VDAC2: variants seen among roughly 807,000 people sequenced by gnomAD.
VDAC2 encodes non-selective voltage-gated ion channel VDAC2.
A neutral mutation model predicts 36.6 loss-of-function variants in VDAC2; 6 were observed. The observed-to-expected ratio is 0.16, with a 90% CI of 0.09 to 0.32. The LOEUF (loss-of-function observed/expected upper bound fraction) is 0.32. Among genes scored for constraint, VDAC2 ranks in the 10% least tolerant of loss-of-function variants. The pLI is 1.00. For synonymous variants in VDAC2, 109 were observed against 123.8 expected (o/e 0.88, Z 0.79); for missense variants, 247 against 346.0 (o/e 0.71, Z 2.27).
chr10:75,212,849 T>C (rs1487030037), intron 3 of VDAC2, among the ~76,000 whole-genome samples: 1 of 152,202 alleles, frequency 6.6e-6, no homozygotes, highest in Non-Finnish European at 1.5e-5. Flanking sequence ...CGGCTCGTGC[T>C]TTAATTTTTT....
At chr10:75,214,548 G>A (rs187783251) in intron 4 of VDAC2, among the ~76,000 whole-genome samples, 42 of 151,360 alleles carry the variant, frequency 2.8e-4, no homozygotes, top group African/African-American at 9.0e-4. Context: ...TTTTTGAGAC[G>A]GAGTCTCACT....
intron 4 of VDAC2, among the ~76,000 whole-genome samples, chr10:75,215,744 C>T (rs1468134846): frequency 1.3e-5 from 2 of 148,618 alleles, no homozygotes; most frequent in Non-Finnish European, 3.0e-5. Context: ...TCCTCTGAGA[C>T]GCAGTCTTGC....
At chr10:75,211,343 G>C in intron 2 of VDAC2, 154 bp downstream of exon 2, 3 of 1,392,948 alleles carry the variant, frequency 2.2e-6, no homozygotes, top group Non-Finnish European at 1.9e-6. Context: ...CTCTGCGGAG[G>C]AGGGGCTGGG....
intron 4 of VDAC2, among the ~76,000 whole-genome samples, chr10:75,215,396 G>T (rs1324605686): frequency 2.6e-5 from 4 of 151,050 alleles, no homozygotes; most frequent in Non-Finnish European, 5.9e-5. Context: ...CTGTCACCCA[G>T]GCTGGAGTGC....
intron 4 of VDAC2, among the ~76,000 whole-genome samples, chr10:75,214,325 G>A (rs1841531049): frequency 6.6e-6 from 1 of 152,230 alleles, no homozygotes; most frequent in Admixed American, 6.5e-5. Context: ...TTACTCGTAA[G>A]ATTACACATT....
intron 6 of VDAC2, 25 bp from the exon 7 acceptor site, chr10:75,220,718 T>C: frequency 6.3e-7 from 1 of 1,589,884 alleles, no homozygotes. Context: ...TTTTTCCCAA[T>C]GACATCAGTT....
chr10:75,229,599 C>T (rs1272440329), intron 8 of VDAC2, 45 bp from the exon 9 acceptor site: 7 of 1,466,478 alleles, frequency 4.8e-6, no homozygotes, highest in Non-Finnish European at 6.6e-6. Flanking sequence ...GGCTTTGTCT[C>T]TATTGAAATA....
chr10:75,218,777 G>A (rs555759644), intron 4 of VDAC2, among the ~76,000 whole-genome samples: 36 of 151,860 alleles, frequency 2.4e-4, no homozygotes, highest in South Asian at 2.1e-3. Flanking sequence ...AAAAAAAGGT[G>A]TACAGTTTGT....
intron 3 of VDAC2, 78 bp downstream of exon 3, chr10:75,212,376 T>C: frequency 1.6e-6 from 2 of 1,239,314 alleles, no homozygotes; most frequent in Non-Finnish European, 2.3e-6. Context: ...ATCAGATCAA[T>C]CATTGCAAAT....
intron 4 of VDAC2, among the ~76,000 whole-genome samples, chr10:75,218,758 C>T (rs1159258315): frequency 3.4e-5 from 5 of 148,392 alleles, no homozygotes; most frequent in Non-Finnish European, 7.4e-5. Context: ...GGGACTCTGT[C>T]TCAAAAAAAA....
intron 4 of VDAC2, among the ~76,000 whole-genome samples, chr10:75,215,203 C>T (rs1331116681): frequency 3.9e-5 from 6 of 152,156 alleles, no homozygotes; most frequent in South Asian, 4.1e-4. Context: ...TGTGAGCCAC[C>T]ATGCCCAGCT....
intron 3 of VDAC2, 39 bp from the exon 4 acceptor site, chr10:75,213,982 A>G (rs1564709466): frequency 6.2e-7 from 1 of 1,607,150 alleles, no homozygotes. Context: ...TTTCATACAA[A>G]GGAATCATTT....
At chr10:75,216,365 AT>A (rs1841605281) in intron 4 of VDAC2, among the ~76,000 whole-genome samples, 1 of 152,166 alleles carries the variant, frequency 6.6e-6, no homozygotes. Flanking sequence ...AAAGGAATAG[AT>A]TGTTGTGTAT....
At chr10:75,214,131 G>C in intron 4 of VDAC2, 61 bp downstream of exon 4, 1 of 1,539,244 alleles carries the variant, frequency 6.5e-7, no homozygotes. Context: ...TTGTAAAATG[G>C]TCATAACTGA....
rs1842087433 is a variant in VDAC2, at chr10:75,231,081, G to T, written c.*92G>T. Reference sequence around the variant, plus strand: ...CCAGCAGCAGGCTTTTTTCCCCCAAGAAGATGATCAAAACAAAGGATGATC... The same window carrying T: ...CCAGCAGCAGGCTTTTTTCCCCCAATAAGATGATCAAAACAAAGGATGATC... On this transcript the variant is annotated 3_prime_UTR_variant, in exon 10 of 10. Coordinates refer to ENST00000332211, the MANE Select transcript of VDAC2 (RefSeq NM_001391963.1). 6 of 885,652 alleles carry T rather than the reference G, an allele frequency of 6.8e-6. No homozygotes were observed. The Admixed American group carries it at 1.3e-4, about 19-fold the overall frequency. The allele number at this position is 885,652 out of a possible 1,614,324, so 54.9% of individuals were successfully genotyped here.
At chr10:75,216,337 TAATC>T in intron 4 of VDAC2, among the ~76,000 whole-genome samples, 1 of 152,354 alleles carries the variant, frequency 6.6e-6, no homozygotes, top group Non-Finnish European at 1.5e-5. Flanking sequence ...GATCGTTGGA[TAATC>T]AAATCTTTGT....
chr10:75,211,022 C>G (rs1271334175), intron 1 of VDAC2, 84 bp downstream of exon 1: 2 of 1,048,762 alleles, frequency 1.9e-6, no homozygotes, highest in Non-Finnish European at 1.3e-6. Context: ...TCGGAGTCGG[C>G]CCTGGCTTCC....
At position 75,229,652 on chromosome 10, in the gene VDAC2, C is replaced by T. The variant is rs772846344; in HGVS notation, c.744C>T (p.Val248=). 6.2e-7 allele frequency: 1 copy of T among 1,603,232 alleles called. No homozygotes were observed. Among genetic ancestry groups the T allele is most frequent in the Non-Finnish European group, 8.5e-7 (1 of 1,176,552 alleles). The stretch of plus-strand genomic sequence containing the variant: ...TTTGTATTTTATTTTAGGCAAAAGT[C>T]AACAACTCTAGCTTAATTGGAGTAG... ...LDPTASISAK[V]NNSSLIGVGY... The change falls in exon 9 of 10, where the codon GTC becomes GTT. Residue 248 remains valine (V), a synonymous_variant. Coordinates refer to ENST00000332211, the MANE Select transcript of VDAC2 (RefSeq NM_001391963.1).
intron 4 of VDAC2, chr10:75,218,199 C>T (rs537009824): frequency 3.2e-6 from 1 of 316,632 alleles, no homozygotes; most frequent in South Asian, 2.5e-5. Flanking sequence ...CTGTGTCACC[C>T]ATGCTGAGTG....
Sources: gnomAD v4.1 joint callset for allele counts (sites outside exome capture counted in the v4.1 genomes callset) on GRCh38, gnomAD v4.1.1 for gene constraint, MANE v1.5 for transcripts, NCBI Gene and HGNC (gene_info 2026-07-23, HGNC 2026-07-21) for gene names.